The following CDH23 variants were observed in gnomAD, a reference collection of about 807,000 sequenced individuals.
CDH23 encodes the protein cadherin-23.
CDH23 carries 189 observed loss-of-function variants against 317.1 expected under a neutral mutation model. That is an observed-to-expected ratio of 0.60 (90% CI 0.53 to 0.67). The LOEUF (loss-of-function observed/expected upper bound fraction) is 0.67, where lower values mean the gene tolerates loss of function less well. Among genes scored for constraint, CDH23 ranks in the 30% least tolerant of loss-of-function variants. The probability of loss-of-function intolerance (pLI) is 0.00; values close to 1 mark genes in which losing one functional copy is unlikely to be tolerated. For missense variants in CDH23, 4,401 were observed against 4,592.4 expected, an observed-to-expected ratio of 0.96 and a Z score of 1.20; for synonymous variants, 1,839 against 1,876.8, an observed-to-expected ratio of 0.98 and a Z score of 0.52.
intron 14 of CDH23, among the ~76,000 whole-genome samples, chr10:71,668,868 T>C (rs1864024488): frequency 6.6e-6 from 1 of 152,248 alleles, no homozygotes; most frequent in Non-Finnish European, 1.5e-5. Context: ...TTTTTCCTTT[T>C]TGTCAGCAGA....
Position 71,740,857 on chromosome 10 carries a change from G to T in CDH23, c.4524G>T (p.Lys1508Asn), listed in dbSNP as rs1385495296. ...CTGACCGAGGCACCCCTCCACGGAA[G>T]AAGGACCACATCCTGCAGGTGACCA... ...VASDRGTPPR[K>N]KDHILQVTIL... Residue 1508 changes from lysine to asparagine, a missense_variant, in exon 37 of 70, where the codon AAG becomes AAT. Lys to Asn is a moderately conservative substitution (Grantham distance 94). Around this residue, in one of 3 missense-constraint regions of CDH23, gnomAD observed 3,068 missense variants for 3,203.3 expected, o/e 0.96. Transcript: ENST00000224721. The T allele has an allele frequency of 1.2e-6, 2 of 1,613,778 alleles. No homozygotes were observed. Among genetic ancestry groups the T allele is most frequent in the Non-Finnish European group, 1.7e-6 (2 of 1,179,892 alleles).
At chr10:71,810,350 A>G in intron 61 of CDH23, 122 bp from the exon 62 acceptor site, 1 of 956,200 alleles carries the variant, frequency 1.0e-6, no homozygotes, top group Non-Finnish European at 1.6e-6. Flanking sequence ...CAAACATTCA[A>G]ACATTCAGTA....
At position 71,763,158 on chromosome 10, in the gene CDH23, C is replaced by T. The variant is rs932808051; in HGVS notation, c.4846-14522C>T. ...CTGAGGGATAGCTATAATTATTATG[C>T]GTTGGTGTTATTTTTATTTATTTAT... On this transcript the variant is annotated intron_variant, in intron 38 of 69. Transcript: ENST00000224721. Among the ~76,000 whole-genome samples the T allele has an allele frequency of 4.6e-5, 7 of 152,260 alleles. No homozygotes were observed. The East Asian group carries it at 5.8e-4, about 13-fold the overall frequency.
intron 14 of CDH23, among the ~76,000 whole-genome samples, chr10:71,650,674 A>T (rs1034630500): frequency 7.9e-5 from 12 of 152,176 alleles, no homozygotes; most frequent in Non-Finnish European, 1.6e-4. Flanking sequence ...GCCTGTACCG[A>T]TGCATGGATG....
At chr10:71,669,520 TCA>T (rs1166353346) in intron 14 of CDH23, among the ~76,000 whole-genome samples, 1 of 151,680 alleles carries the variant, frequency 6.6e-6, no homozygotes, top group Non-Finnish European at 1.5e-5. Flanking sequence ...CCATCTCTGC[TCA>T]CTGCAACCTC....
intron 9 of CDH23, among the ~76,000 whole-genome samples, chr10:71,602,003 G>A (rs1041113807): frequency 3.9e-5 from 6 of 152,072 alleles, no homozygotes; most frequent in African/African-American, 9.7e-5. Context: ...CCTCAAGGTC[G>A]GTCATTCGGG....
At chr10:71,471,180 C>T (rs535089495) in intron 3 of CDH23, among the ~76,000 whole-genome samples, 10 of 152,340 alleles carry the variant, frequency 6.6e-5, no homozygotes, top group Middle Eastern at 6.8e-3. Flanking sequence ...CACTCTTGAC[C>T]GCAGTCCCTG....
chr10:71,528,744 G>C (rs1297092548), intron 6 of CDH23, among the ~76,000 whole-genome samples: 1 of 152,190 alleles, frequency 6.6e-6, no homozygotes, highest in Non-Finnish European at 1.5e-5. Context: ...TCCCCACCCT[G>C]GGGGCCCAAG....
At chr10:71,481,131 G>C (rs569510843) in intron 3 of CDH23, among the ~76,000 whole-genome samples, 1 of 152,140 alleles carries the variant, frequency 6.6e-6, no homozygotes, top group Non-Finnish European at 1.5e-5. Flanking sequence ...GCTGTGGCCT[G>C]GGTGGCAGCC....
intron 19 of CDH23, among the ~76,000 whole-genome samples, chr10:71,689,053 A>G (rs376502365): frequency 0.14 from 1,093 of 7,988 alleles, no homozygotes; most frequent in African/African-American, 0.2. Context: ...GGAGCCAGGG[A>G]TGGTGGAGCC....
intron 18 of CDH23, among the ~76,000 whole-genome samples, chr10:71,686,339 T>C (rs1218014799): frequency 1.3e-5 from 2 of 151,924 alleles, no homozygotes; most frequent in African/African-American, 4.8e-5. Flanking sequence ...AGCTGGGGCA[T>C]TGGACATCAG....
chr10:71,664,818 C>T (rs369861474), intron 14 of CDH23, among the ~76,000 whole-genome samples: 2 of 151,746 alleles, frequency 1.3e-5, no homozygotes, highest in Non-Finnish European at 2.9e-5. Context: ...TCCCCCTTCC[C>T]CCTCCTCCCT....
intron 6 of CDH23, among the ~76,000 whole-genome samples, chr10:71,530,747 T>C (rs1307165983): frequency 6.6e-6 from 1 of 152,218 alleles, no homozygotes; most frequent in African/African-American, 2.4e-5. Context: ...GTCCGACCAA[T>C]GCACAGCATC....
At chr10:71,775,477 C>T (rs1415430384) in intron 38 of CDH23, among the ~76,000 whole-genome samples, 2 of 152,222 alleles carry the variant, frequency 1.3e-5, no homozygotes, top group African/African-American at 4.8e-5. Context: ...TACCACACTG[C>T]CCACCACTGA....
At chr10:71,808,084 TG>T (rs1167871823) in intron 60 of CDH23, 77 bp downstream of exon 60, 1 of 1,519,484 alleles carries the variant, frequency 6.6e-7, no homozygotes, top group Non-Finnish European at 8.9e-7. Flanking sequence ...TGGGGGGAGA[TG>T]GGGTCTGTGG....
intron 3 of CDH23, among the ~76,000 whole-genome samples, chr10:71,463,795 T>C (rs901226851): frequency 2.0e-5 from 3 of 152,248 alleles, no homozygotes; most frequent in Non-Finnish European, 4.4e-5. Context: ...TCATTCTGTG[T>C]CTCTCCATCT....
In CDH23 at chr10:71,705,276, C is replaced by T. The variant is rs1227069; in HGVS notation, c.2953+146C>T. The T allele has an allele frequency of 0.96, 682,025 of 710,800 alleles. 327,491 individuals are homozygous for T. The highest frequency in any genetic ancestry group is 1 in the East Asian group (36,688 of 36,718). 44.0% of individuals were successfully genotyped at this position (710,800 alleles called of 1,614,324 possible). A position where few individuals can be genotyped will look rare whatever the true frequency, so the allele number is the denominator to read the frequency against. On this transcript the variant is annotated intron_variant, in intron 25 of 69. Coordinates refer to ENST00000224721, the MANE Select transcript of CDH23 (RefSeq NM_022124.6). ...CTCCCTTGTTAATGAGGTGCCCTCC[C>T]CAGCTGGAGCCATTCAACACAGCAG...
intron 6 of CDH23, among the ~76,000 whole-genome samples, chr10:71,525,057 A>G (rs1341524834): frequency 6.6e-6 from 1 of 152,124 alleles, no homozygotes; most frequent in South Asian, 2.1e-4. Context: ...ACAGGCGTGC[A>G]CCACCATGCC....
rs727502930 is a variant in CDH23, at chr10:71,798,473, G to T, written c.6949G>T (p.Ala2317Ser). The change falls in exon 50 of 70, where the codon GCT (alanine) becomes TCT (serine). Residue 2317 changes from alanine to serine, a missense_variant. Coordinates refer to ENST00000224721, the MANE Select transcript of CDH23 (RefSeq NM_022124.6). ...GGCCACCCCTGGGACCACACTCATT[G>T]CTGTGGCAGCCGTGGACCCTGACAA... ...EGATPGTTLI[A>S]VAAVDPDKGL... 13 of 1,613,880 alleles carry T rather than the reference G, an allele frequency of 8.1e-6. No homozygotes were observed. The highest frequency in any genetic ancestry group is 1.1e-5 in the Non-Finnish European group (13 of 1,179,870).
Sources: allele counts gnomAD v4.1 joint callset (sites outside exome capture counted in the v4.1 genomes callset), GRCh38; gene constraint gnomAD v4.1.1; regional missense constraint gnomAD v4.1.1; transcripts MANE v1.5; gene names NCBI Gene and HGNC (gene_info 2026-07-23, HGNC 2026-07-21).